The following NKAIN3 variants were observed in gnomAD, a reference collection of about 807,000 sequenced individuals.
NKAIN3 encodes the protein sodium/potassium transporting ATPase interacting 3.
In NKAIN3, 25 loss-of-function variants were observed where a neutral mutation model predicts 30.2. The observed-to-expected ratio is 0.83, with a 90% CI of 0.60 to 1.16. The LOEUF (loss-of-function observed/expected upper bound fraction) is 1.16, where lower values mean the gene tolerates loss of function less well. Ranked by LOEUF, NKAIN3 falls within the 50% of genes most tolerant of loss-of-function variation. The pLI, the probability that NKAIN3 is intolerant of heterozygous loss-of-function variation, is 0.00. For missense variants in NKAIN3, 225 were observed against 254.1 expected, an observed-to-expected ratio of 0.89 and a Z score of 0.78; for synonymous variants, 91 against 89.6, an observed-to-expected ratio of 1.02 and a Z score of -0.09.
intron 1 of NKAIN3, among the ~76,000 whole-genome samples, chr8:62,523,228 G>C (rs1808208795): frequency 6.6e-6 from 1 of 152,136 alleles, no homozygotes; most frequent in African/African-American, 2.4e-5. Flanking sequence ...CCTAGGAGCA[G>C]CGGACTATAC....
At position 62,668,711 on chromosome 8, in the gene NKAIN3, A is replaced by G. The variant is rs565186708; in HGVS notation, c.274-78221A>G. Among the ~76,000 whole-genome samples the G allele has an allele frequency of 1.2e-4, 18 of 152,328 alleles. No homozygotes were observed. The South Asian group carries it at 2.1e-3, about 18-fold the overall frequency. ...TAAACCTGTGAAAGGTGAAGGAAAG[A>G]GATATAAGCGTATACTTATTAATTA... On this transcript the variant is annotated intron_variant, in intron 3 of 6. Transcript: ENST00000623646.
intron 1 of NKAIN3, among the ~76,000 whole-genome samples, chr8:62,402,848 C>A (rs1803926770): frequency 6.6e-6 from 1 of 152,090 alleles, no homozygotes; most frequent in Non-Finnish European, 1.5e-5. Context: ...GTGGAAGCAA[C>A]TTTGGAACTG....
In NKAIN3 at chr8:62,293,725, C is replaced by G. The variant is rs562727693; in HGVS notation, c.54+44598C>G. ...AGGCAGTCTGTCTGTTCTCAGATCT[C>G]AAACTCCGTGCTTGGAGAAGCACTA... On this transcript the variant is annotated intron_variant, in intron 1 of 6. Coordinates refer to ENST00000623646, the MANE Select transcript of NKAIN3 (RefSeq NM_001304533.3). 4.5e-4 allele frequency among the ~76,000 whole-genome samples: 69 copies of G among 152,312 alleles called. No individual in the cohort carries two copies. In the South Asian group the frequency reaches 0.014, roughly 31 times the overall value.
chr8:62,694,802 T>C (rs1814100114), intron 3 of NKAIN3, among the ~76,000 whole-genome samples: 1 of 152,174 alleles, frequency 6.6e-6, no homozygotes, highest in Admixed American at 6.5e-5. Flanking sequence ...ATCTGTGAAA[T>C]ATGGAGTAAA....
chr8:62,253,408 T>C, intron 1 of NKAIN3, among the ~76,000 whole-genome samples: 1 of 152,024 alleles, frequency 6.6e-6, no homozygotes, highest in East Asian at 1.9e-4. Flanking sequence ...AAACCTCATC[T>C]CTACAAAAAA....
chr8:62,626,012 A>G (rs907288078), intron 3 of NKAIN3, among the ~76,000 whole-genome samples: 29 of 152,110 alleles, frequency 1.9e-4, no homozygotes, highest in Admixed American at 1.8e-3. Context: ...AATAAAGACC[A>G]TAGCTTATGA....
intron 5 of NKAIN3, among the ~76,000 whole-genome samples, chr8:62,948,205 T>C (rs1823180675): frequency 1.3e-5 from 2 of 152,050 alleles, no homozygotes; most frequent in Admixed American, 6.5e-5. Context: ...CTTTTTTTTT[T>C]TTCTTTTTTT....
At chr8:62,368,674 C>T (rs1172118012) in intron 1 of NKAIN3, among the ~76,000 whole-genome samples, 3 of 152,192 alleles carry the variant, frequency 2.0e-5, no homozygotes, top group Non-Finnish European at 4.4e-5. Context: ...ACCTTACACA[C>T]ACACATAAGT....
intron 1 of NKAIN3, among the ~76,000 whole-genome samples, chr8:62,459,599 ACAAAG>A (rs1233092050): frequency 1.3e-5 from 2 of 152,236 alleles, no homozygotes; most frequent in African/African-American, 4.8e-5. Context: ...ATGATGGAAA[ACAAAG>A]CAGAGTACAG....
chr8:62,272,169 A>C (rs372926714), intron 1 of NKAIN3, among the ~76,000 whole-genome samples: 7 of 152,360 alleles, frequency 4.6e-5, no homozygotes, highest in Middle Eastern at 3.4e-3. Flanking sequence ...CCTAGATTCA[A>C]GTTATTCAAT....
intron 1 of NKAIN3, among the ~76,000 whole-genome samples, chr8:62,410,153 C>T (rs1804196707): frequency 6.6e-6 from 1 of 151,884 alleles, no homozygotes; most frequent in Non-Finnish European, 1.5e-5. Flanking sequence ...TGTTCATGTC[C>T]ATGTGTGTTC....
chr8:62,743,618 C>T (rs541837875), intron 3 of NKAIN3, among the ~76,000 whole-genome samples: 1 of 152,256 alleles, frequency 6.6e-6, no homozygotes, highest in East Asian at 1.9e-4. Flanking sequence ...GCTCATGGTC[C>T]TAGCAATGGT....
intron 3 of NKAIN3, among the ~76,000 whole-genome samples, chr8:62,726,824 C>T (rs1348637573): frequency 1.3e-5 from 2 of 152,000 alleles, no homozygotes; most frequent in Admixed American, 6.6e-5. Context: ...AAGATAGAAG[C>T]AGTGAGGTTA....
intron 1 of NKAIN3, among the ~76,000 whole-genome samples, chr8:62,280,467 A>G (rs1168340377): frequency 1.3e-5 from 2 of 152,108 alleles, no homozygotes; most frequent in African/African-American, 4.8e-5. Flanking sequence ...TTCAAAGGGA[A>G]TGCTTCCAGT....
At chr8:62,686,129 G>T (rs113879225) in intron 3 of NKAIN3, among the ~76,000 whole-genome samples, 147 of 152,232 alleles carry the variant, frequency 9.7e-4, no homozygotes, top group Admixed American at 1.2e-3. Context: ...GTTCTCCCCA[G>T]TCTGCTCCTA....
At chr8:62,680,807 C>G (rs1813623121) in intron 3 of NKAIN3, among the ~76,000 whole-genome samples, 1 of 152,104 alleles carries the variant, frequency 6.6e-6, no homozygotes, top group Non-Finnish European at 1.5e-5. Flanking sequence ...ATTATCCACT[C>G]AGTTATATAA....
chr8:62,581,253 C>G (rs1464083403), intron 2 of NKAIN3, among the ~76,000 whole-genome samples: 1 of 152,078 alleles, frequency 6.6e-6, no homozygotes, highest in East Asian at 1.9e-4. Flanking sequence ...AAGATGCTTT[C>G]ATAACATGCA....
intron 5 of NKAIN3, among the ~76,000 whole-genome samples, chr8:62,931,823 A>G (rs1258054630): frequency 6.6e-6 from 1 of 152,198 alleles, no homozygotes. Flanking sequence ...CCTTTAAAAC[A>G]TTTTAACATC....
chr8:62,350,405 A>G (rs1163175084), intron 1 of NKAIN3, among the ~76,000 whole-genome samples: 1 of 152,160 alleles, frequency 6.6e-6, no homozygotes, highest in Non-Finnish European at 1.5e-5. Flanking sequence ...TATATGAGGT[A>G]CCTAGAGTAA....
Sources: allele counts gnomAD v4.1 joint callset (sites outside exome capture counted in the v4.1 genomes callset), GRCh38; gene constraint gnomAD v4.1.1; transcripts MANE v1.5; gene names NCBI Gene and HGNC (gene_info 2026-07-23, HGNC 2026-07-21).